The following CLEC9A variants were observed in gnomAD, a reference collection of about 807,000 sequenced individuals.
CLEC9A encodes the protein C-type lectin domain containing 9A, also known as C-type lectin domain family 9 member A.
In CLEC9A, 24 loss-of-function variants were observed where a neutral mutation model predicts 30.0. That is an observed-to-expected ratio of 0.80 (90% CI 0.58 to 1.13). The LOEUF (loss-of-function observed/expected upper bound fraction) is 1.13, where lower values mean the gene tolerates loss of function less well. Among genes scored for constraint, CLEC9A ranks in the 50% most tolerant of loss-of-function variants. CLEC9A has a pLI of 0.00. For missense variants in CLEC9A, 251 were observed against 280.9 expected (o/e 0.89, Z 0.76); for synonymous variants, 111 against 96.8 (o/e 1.15, Z -0.86).
At position 10,064,773 on chromosome 12, in the gene CLEC9A, T is replaced by C. The variant is rs766287772; in HGVS notation, c.513T>C (p.Tyr171=). The C allele has an allele frequency of 9.3e-6, 15 of 1,612,920 alleles. No individual in the cohort carries two copies. Among genetic ancestry groups the C allele is most frequent in the Non-Finnish European group, 1.3e-5 (15 of 1,179,454 alleles). The change falls in exon 8 of 9, where the codon TAT becomes TAC. Residue 171 remains tyrosine (Y), a synonymous_variant. Coordinates refer to ENST00000355819, the MANE Select transcript of CLEC9A (RefSeq NM_207345.4). ...TGSLRKIKGS[Y]DYWVGLSQDG... ...GCTTGAGGAAGATTAAAGGAAGCTA[T>C]GATTACTGGGTGGGGTTGTCTCAGG...
chr12:10,053,201 C>T (rs756672243), intron 4 of CLEC9A, among the ~76,000 whole-genome samples: 1 of 152,136 alleles, frequency 6.6e-6, no homozygotes, highest in Non-Finnish European at 1.5e-5. Flanking sequence ...CTGTCTGTAT[C>T]GTTTAATATC....
At chr12:10,062,184 G>A (rs1441541542) in intron 6 of CLEC9A, among the ~76,000 whole-genome samples, 1 of 152,144 alleles carries the variant, frequency 6.6e-6, no homozygotes, top group Non-Finnish European at 1.5e-5. Context: ...TCAGGATATT[G>A]GTTGGCAGGG....
At chr12:10,060,485 A>G (rs376039437) in intron 5 of CLEC9A, 1 of 152,332 alleles carries the variant, frequency 6.6e-6, no homozygotes, top group Non-Finnish European at 1.5e-5. Flanking sequence ...TAGCATTTAT[A>G]TGTCATTTAT....
chr12:10,046,989 G>C (rs763252362), intron 2 of CLEC9A, among the ~76,000 whole-genome samples: 1 of 152,044 alleles, frequency 6.6e-6, no homozygotes, highest in African/African-American at 2.4e-5. Context: ...AGAATACCAA[G>C]CATGTAATAC....
At chr12:10,064,035 A>G (rs568612472) in intron 7 of CLEC9A, among the ~76,000 whole-genome samples, 1 of 152,258 alleles carries the variant, frequency 6.6e-6, no homozygotes, top group African/African-American at 2.4e-5. Context: ...ATAAAATAAA[A>G]CAAGTGAACA....
At chr12:10,061,077 T>C in intron 5 of CLEC9A, 50 bp from the exon 6 acceptor site, 1 of 1,590,224 alleles carries the variant, frequency 6.3e-7, no homozygotes, top group Non-Finnish European at 8.5e-7. Context: ...AAGGATTATT[T>C]TGCTATAAAA....
intron 5 of CLEC9A, among the ~76,000 whole-genome samples, chr12:10,058,427 G>A (rs567422787): frequency 2.6e-4 from 39 of 152,276 alleles, no homozygotes; most frequent in African/African-American, 9.1e-4. Context: ...ACTATCCACC[G>A]ATGGACAGGG....
At chr12:10,049,545 G>A (rs1041733981) in intron 2 of CLEC9A, among the ~76,000 whole-genome samples, 1 of 152,180 alleles carries the variant, frequency 6.6e-6, no homozygotes, top group African/African-American at 2.4e-5. Flanking sequence ...ACATTCTCCA[G>A]TTTCTAAATC....
At chr12:10,039,971 C>CA (rs1248476410) in intron 1 of CLEC9A, among the ~76,000 whole-genome samples, 9 of 152,098 alleles carry the variant, frequency 5.9e-5, no homozygotes. Context: ...TACAGGTGTG[C>CA]ACCACCACAG....
intron 2 of CLEC9A, among the ~76,000 whole-genome samples, chr12:10,049,641 T>G (rs1163427572): frequency 6.6e-6 from 1 of 152,216 alleles, no homozygotes; most frequent in Non-Finnish European, 1.5e-5. Flanking sequence ...TAGCTTCCAA[T>G]TTTTCTTCTG....
rs139464444 is a variant in CLEC9A, at chr12:10,041,362, G to T, written c.-317-104G>T. 1.8e-3 allele frequency: 438 copies of T among 246,696 alleles called. 2 individuals carry two copies. Among genetic ancestry groups the T allele is most frequent in the African/African-American group, 9.8e-3 (421 of 43,070 alleles). 15.3% of individuals were successfully genotyped at this position (246,696 alleles called of 1,614,324 possible). A position where few individuals can be genotyped will look rare whatever the true frequency, so the allele number is the denominator to read the frequency against. On this transcript the variant is annotated intron_variant, in intron 1 of 8. Coordinates refer to ENST00000355819, the MANE Select transcript of CLEC9A (RefSeq NM_207345.4). Reference sequence around the variant, plus strand: ...CCAACCCCTGGAGCATTTCTCTGATGGTAACTGAAGGGAGTCTTGGGATCT... The same window carrying T: ...CCAACCCCTGGAGCATTTCTCTGATTGTAACTGAAGGGAGTCTTGGGATCT...
chr12:10,036,551 T>A (rs1180742391), intron 1 of CLEC9A, among the ~76,000 whole-genome samples: 1 of 152,208 alleles, frequency 6.6e-6, no homozygotes, highest in Non-Finnish European at 1.5e-5. Flanking sequence ...ACACCCACAG[T>A]AGTCAACATC....
intron 1 of CLEC9A, among the ~76,000 whole-genome samples, chr12:10,031,337 T>A (rs562025313): frequency 1.1e-4 from 16 of 152,164 alleles, no homozygotes; most frequent in Non-Finnish European, 2.4e-4. Context: ...CTCCTACTGA[T>A]CCCTCAGTCT....
intron 1 of CLEC9A, among the ~76,000 whole-genome samples, chr12:10,037,497 AGAGGCCACCAT>A (rs1333716663): frequency 1.0e-4 from 15 of 149,830 alleles, no homozygotes; most frequent in East Asian, 6.0e-4. Flanking sequence ...CCGACTATGA[AGAGGCCACCAT>A]CCCATCGCAG....
Position 10,064,795 on chromosome 12 carries a change from C to G in CLEC9A, c.535C>G (p.Gln179Glu), listed in dbSNP as rs1866028686. ...GSYDYWVGLSQDGHSGRWLWQ... is the reference protein window; with the variant it reads ...GSYDYWVGLSEDGHSGRWLWQ... ...CTATGATTACTGGGTGGGGTTGTCT[C>G]AGGATGGACACAGCGGACGCTGGCT... The change falls in exon 8 of 9, where the codon CAG becomes GAG. Residue 179 changes from glutamine to glutamate, a missense_variant. Physicochemically the swap from Gln to Glu is conservative, Grantham distance 29. Transcript: ENST00000355819. 6.2e-7 allele frequency: 1 copy of G among 1,613,538 alleles called. No individual in the cohort carries two copies. Among genetic ancestry groups the G allele is most frequent in the Non-Finnish European group, 8.5e-7 (1 of 1,179,768 alleles).
chr12:10,036,499 A>G (rs1283618759), intron 1 of CLEC9A, among the ~76,000 whole-genome samples: 3 of 152,324 alleles, frequency 2.0e-5, no homozygotes, highest in Non-Finnish European at 4.4e-5. Context: ...AAAAGCTATG[A>G]CCAATTACAA....
Position 10,056,952 on chromosome 12 carries a change from C to T in CLEC9A, c.172+2601C>T, listed in dbSNP as rs542628970. On this transcript the variant is annotated intron_variant, in intron 5 of 8. Transcript: ENST00000355819. ...CAAAACTTAAATATCACTGTACAGG[C>T]GTAAAGTATATTTTCCTTTAGCTTT... 6.6e-5 allele frequency among the ~76,000 whole-genome samples: 10 copies of T among 152,136 alleles called. No individual in the cohort carries two copies. In the South Asian group the frequency reaches 8.3e-4, roughly 13 times the overall value.
chr12:10,064,899 G>A (rs374548114), intron 8 of CLEC9A, 46 bp downstream of exon 8: 14 of 1,587,358 alleles, frequency 8.8e-6, no homozygotes, highest in Non-Finnish European at 1.2e-5. Flanking sequence ...GAAACATGAG[G>A]GAATTCAAAA....
chr12:10,043,280 G>A (rs759124525), intron 2 of CLEC9A: 13 of 280,278 alleles, frequency 4.6e-5, no homozygotes, highest in Non-Finnish European at 9.2e-5. Context: ...ACTCTAATGA[G>A]GTCTGTAAGT....
Sources: allele counts gnomAD v4.1 joint callset (sites outside exome capture counted in the v4.1 genomes callset), GRCh38; gene constraint gnomAD v4.1.1; transcripts MANE v1.5; gene names NCBI Gene and HGNC (gene_info 2026-07-23, HGNC 2026-07-21).